Variants in PLA2G4D observed in about 807,000 individuals in gnomAD.
The protein encoded by PLA2G4D is phospholipase A2 group IVD, also known as cytosolic phospholipase A2 delta.
Under a neutral mutation model 94.4 loss-of-function variants are expected in PLA2G4D, and 80 were observed. The observed-to-expected ratio is 0.85, with a 90% confidence interval of 0.71 to 1.02. PLA2G4D has a LOEUF of 1.02. Among genes scored for constraint, PLA2G4D ranks in the 50% least tolerant of loss-of-function variants. The probability of loss-of-function intolerance (pLI) is 0.00; values close to 1 mark genes in which losing one functional copy is unlikely to be tolerated. For missense variants in PLA2G4D, 1,050 were observed against 1,034.7 expected, an observed-to-expected ratio of 1.01 and a Z score of -0.20; for synonymous variants, 438 against 440.9, an observed-to-expected ratio of 0.99 and a Z score of 0.08.
rs778353977 is a variant in PLA2G4D, at chr15:42,081,552, C to A, written c.884G>T (p.Ser295Ile). ...NLCAEEQAFL[S>I]RRKQVVAKAL... Reference sequence around the variant, plus strand: ...CTTGGCCACCACCTGCTTCCTCCTGCTCAGGAAGGCCTGCTCCTCTGCACA... The same window carrying A: ...CTTGGCCACCACCTGCTTCCTCCTGATCAGGAAGGCCTGCTCCTCTGCACA... Residue 295 changes from serine (S) to isoleucine (I), a missense_variant, in exon 11 of 20, where the codon AGC becomes ATC. Physicochemically the swap from Ser to Ile is moderately radical, Grantham distance 142 (BLOSUM62 -2). Transcript: ENST00000290472. 6.2e-7 allele frequency: 1 copy of A among 1,614,238 alleles called. No homozygotes were observed. Among genetic ancestry groups the A allele is most frequent in the East Asian group, 2.2e-5 (1 of 44,890 alleles).
intron 8 of PLA2G4D, among the ~76,000 whole-genome samples, chr15:42,082,782 G>A (rs1890063493): frequency 6.6e-6 from 1 of 152,180 alleles, no homozygotes; most frequent in South Asian, 2.1e-4. Context: ...GGAGGAGGCA[G>A]CCTTGGAGGA....
rs1889717989 is a variant in PLA2G4D, at chr15:42,067,994, A to T, written c.*721T>A. On this transcript the variant is annotated 3_prime_UTR_variant, in exon 20 of 20. Transcript: ENST00000290472. ...AAGGCATTCAGATCAGACAGGAAGAAGTAAAACCATCTCTATTTGGAGATG... is the reference window on the plus strand; with the variant it reads ...AAGGCATTCAGATCAGACAGGAAGATGTAAAACCATCTCTATTTGGAGATG... The T allele has an allele frequency of 6.6e-6, 1 of 152,258 alleles. No homozygotes were observed. The highest frequency in any genetic ancestry group is 6.5e-5 in the Admixed American group (1 of 15,286). 9.4% of individuals were successfully genotyped at this position (152,258 alleles called of 1,614,324 possible). A position where few individuals can be genotyped will look rare whatever the true frequency, so the allele number is the denominator to read the frequency against.
intron 3 of PLA2G4D, among the ~76,000 whole-genome samples, chr15:42,086,843 ACT>A (rs541791021): frequency 3.6e-4 from 55 of 152,148 alleles, no homozygotes; most frequent in Admixed American, 1.6e-3. Context: ...TAAGAGCAAG[ACT>A]CTGTCTCAAA....
rs746619074 is a variant in PLA2G4D at position 42,072,349 on chromosome 15, C to G, written c.1361G>C (p.Arg454Pro). 1 of 1,613,542 alleles carries G rather than the reference C, an allele frequency of 6.2e-7. No homozygotes were observed. The highest frequency in any genetic ancestry group is 1.7e-5 in the Admixed American group (1 of 60,014). ...KLSGQRAALE[R>P]GQNPLPLYLS... ...GTAGAGGGGCAGAGGGTTCTGACCC[C>G]GTTCCAGGGCGGCTCTCTGTCCTGA... The change falls in exon 14 of 20, where the codon CGG becomes CCG. Residue 454 changes from arginine (R) to proline (P), a missense_variant. By Grantham distance (103) the Arg-to-Pro change is moderately radical (BLOSUM62 -2). Coordinates refer to ENST00000290472, the MANE Select transcript of PLA2G4D (RefSeq NM_178034.4).
At chr15:42,079,281 A>G (rs1889985951) in intron 13 of PLA2G4D, among the ~76,000 whole-genome samples, 1 of 152,268 alleles carries the variant, frequency 6.6e-6, no homozygotes, top group Non-Finnish European at 1.5e-5. Flanking sequence ...CATTCAAAAC[A>G]AAAGCTTTGT....
rs760967904 is a variant in PLA2G4D at position 42,071,250 on chromosome 15, C to A, written c.1749G>T (p.Thr583=). 6.2e-7 allele frequency: 1 copy of A among 1,609,570 alleles called. No homozygotes were observed. Among genetic ancestry groups the A allele is most frequent in the Non-Finnish European group, 8.5e-7 (1 of 1,178,748 alleles). The change falls in exon 17 of 20, where the codon ACG becomes ACT. Residue 583 remains threonine (T), a synonymous_variant. Coordinates refer to ENST00000290472, the MANE Select transcript of PLA2G4D (RefSeq NM_178034.4). The part of the protein sequence containing the change: ...RLEASWLQPG[T]ALAQAFKGFL... ...AGCCTTTAAATGCCTGGGCCAGCGCCGTGCCTGGCTGCAGCCACGAGGCCT... is the reference window on the plus strand; with the variant it reads ...AGCCTTTAAATGCCTGGGCCAGCGCAGTGCCTGGCTGCAGCCACGAGGCCT...
rs1237340293 is a variant in PLA2G4D at position 42,084,384 on chromosome 15, C to T, written c.472-605G>A. 8.5e-5 allele frequency among the ~76,000 whole-genome samples: 13 copies of T among 152,156 alleles called. No homozygotes were observed. Among genetic ancestry groups the T allele is most frequent in the Admixed American group, 7.2e-4 (11 of 15,284 alleles). On this transcript the variant is annotated intron_variant, in intron 6 of 19. Transcript: ENST00000290472. This position sits in a 1 kb window ranked among gnomAD's most constrained non-coding sequence, Gnocchi z 4.8. ...ATCACCTCCTAAGAGGCAGTGCCAT[C>T]GGCTTGACTTTATTTTCATGTGTAT... is the stretch of plus-strand genomic sequence containing the variant.
chr15:42,083,838 C>T, intron 6 of PLA2G4D, 59 bp from the exon 7 acceptor site: 1 of 1,558,738 alleles, frequency 6.4e-7, no homozygotes, highest in Non-Finnish European at 8.8e-7. Context: ...GTCCCCTTAA[C>T]CTCAACCCTC....
chr15:42,073,570 G>T (rs1889867068), intron 13 of PLA2G4D, among the ~76,000 whole-genome samples: 1 of 152,144 alleles, frequency 6.6e-6, no homozygotes, highest in African/African-American at 2.4e-5. Context: ...CCTTCCTTTG[G>T]GCTCTCCAAG....
At chr15:42,075,038 A>G (rs1889890751) in intron 13 of PLA2G4D, among the ~76,000 whole-genome samples, 1 of 152,124 alleles carries the variant, frequency 6.6e-6, no homozygotes, top group African/African-American at 2.4e-5. Context: ...ATCCTCCCAC[A>G]TTAGCCTCCT....
At chr15:42,072,424 G>A (rs1889845241) in intron 13 of PLA2G4D, 32 bp from the exon 14 acceptor site, 1 of 1,569,572 alleles carries the variant, frequency 6.4e-7, no homozygotes. Context: ...GCCTAAGTGA[G>A]GCTGGGAGTA....
chr15:42,070,718 T>C lies in PLA2G4D; in HGVS notation c.2042A>G (p.Glu681Gly), dbSNP rs914463525. Residue 681 changes from glutamate (E) to glycine (G), a missense_variant and splice_region_variant, in exon 18 of 20, where the codon GAG (glutamate) becomes GGG (glycine). Transcript: ENST00000290472. ...SFDYSLSAPFEALQQTELYCR... is the reference protein window; with the variant it reads ...SFDYSLSAPFGALQQTELYCR... ...GTTCCCCTGGGGTGACCAGGGTACC[T>C]CGAAGGGCGCAGATAGGGAGTAGTC... 6.4e-7 allele frequency: 1 copy of C among 1,553,840 alleles called. No homozygotes were observed. Among genetic ancestry groups the C allele is most frequent in the African/African-American group, 1.4e-5 (1 of 73,262 alleles).
intron 11 of PLA2G4D, 65 bp downstream of exon 11, chr15:42,081,414 G>T: frequency 6.4e-7 from 1 of 1,567,178 alleles, no homozygotes; most frequent in Non-Finnish European, 8.6e-7. Context: ...AGAGGCATAG[G>T]AATCAGGTAC....
At position 42,081,084 on chromosome 15, in the gene PLA2G4D, G is replaced by A; in HGVS notation, c.1007C>T (p.Thr336Ile). ...GGCCAATAGGTGGCCGTAGAGTGAG[G>A]TCATGGCCCGGGCACCTCCTCCTGT... The part of the protein sequence containing the change: ...MATGGGARAM[T>I]SLYGHLLALQ... The change falls in exon 12 of 20, where the codon ACC (threonine) becomes ATC (isoleucine). Residue 336 changes from threonine to isoleucine, a missense_variant. Transcript: ENST00000290472. 6.2e-7 allele frequency: 1 copy of A among 1,614,216 alleles called. No homozygotes were observed.
chr15:42,084,476 C>T lies in PLA2G4D; in HGVS notation c.471+620G>A, dbSNP rs546061014. 1.9e-4 allele frequency among the ~76,000 whole-genome samples: 29 copies of T among 152,344 alleles called. No individual in the cohort carries two copies. The highest frequency in any genetic ancestry group is 1.3e-3 in the Admixed American group (20 of 15,308). On this transcript the variant is annotated intron_variant, in intron 6 of 19. Coordinates refer to ENST00000290472, the MANE Select transcript of PLA2G4D (RefSeq NM_178034.4). The surrounding 1 kb of genome is among the most constrained non-coding windows in gnomAD (Gnocchi z 4.8). The stretch of plus-strand genomic sequence containing the variant: ...TTAAATGCTGGGCTCTAGGTGCCTT[C>T]GCCCGTGACCCTGGACCCGCCTGCT...
In PLA2G4D at chr15:42,068,066, G is replaced by A. The variant is rs1249299298; in HGVS notation, c.*649C>T. ...TTCTAAGAAATCCGCAAAAGTATTA[G>A]AGCCGGTAAACAACTTCAGCAAGAT... On this transcript the variant is annotated 3_prime_UTR_variant, in exon 20 of 20. Coordinates refer to ENST00000290472, the MANE Select transcript of PLA2G4D (RefSeq NM_178034.4). 1 of 152,286 alleles carries A rather than the reference G, an allele frequency of 6.6e-6. No homozygotes were observed. The highest frequency in any genetic ancestry group is 2.4e-5 in the African/African-American group (1 of 41,438). 9.4% of individuals were successfully genotyped at this position (152,286 alleles called of 1,614,324 possible). A position where few individuals can be genotyped will look rare whatever the true frequency, so the allele number is the denominator to read the frequency against.
In PLA2G4D at chr15:42,070,249, C is replaced by T. The variant is rs1889777483; in HGVS notation, c.2044-154G>A. On this transcript the variant is annotated intron_variant, in intron 18 of 19. Coordinates refer to ENST00000290472, the MANE Select transcript of PLA2G4D (RefSeq NM_178034.4). ...AGCTGCAGAGTGACTCGGAGGGAGA[C>T]CCAGGGGGAGTCCAAGGACTCTGGT... 8.4e-6 allele frequency: 6 copies of T among 715,092 alleles called. No homozygotes were observed. The East Asian group carries it at 1.7e-4, about 20-fold the overall frequency. The allele number at this position is 715,092 out of a possible 1,614,324, so 44.3% of individuals were successfully genotyped here.
rs1220282415 is a variant in PLA2G4D at position 42,087,445 on chromosome 15, G to A, written c.119-9C>T. The A allele has an allele frequency of 1.2e-6, 2 of 1,613,976 alleles. No homozygotes were observed. The highest frequency in any genetic ancestry group is 2.2e-5 in the East Asian group (1 of 44,878). On this transcript the variant is annotated splice_polypyrimidine_tract_variant and intron_variant, in intron 2 of 19. Transcript: ENST00000290472. ...AGGGTCGGCCTCACTCACTGCCAAG[G>A]TTAAGGAAGTCTTCGTGAGGGAGTA...
chr15:42,084,111 G>T lies in PLA2G4D; in HGVS notation c.472-332C>A. 3.3e-6 allele frequency: 1 copy of T among 306,886 alleles called. No individual in the cohort carries two copies. The highest frequency in any genetic ancestry group is 6.2e-6 in the Non-Finnish European group (1 of 161,788). 19.0% of individuals were successfully genotyped at this position (306,886 alleles called of 1,614,324 possible). A position where few individuals can be genotyped will look rare whatever the true frequency, so the allele number is the denominator to read the frequency against. ...TCCCTGTGGCTTGGAGCTGGAGGAGGTATTCTACCACAACTCCAAATAATC... is the reference window on the plus strand; with the variant it reads ...TCCCTGTGGCTTGGAGCTGGAGGAGTTATTCTACCACAACTCCAAATAATC... On this transcript the variant is annotated intron_variant, in intron 6 of 19. Transcript: ENST00000290472. The surrounding 1 kb of genome is among the most constrained non-coding windows in gnomAD (Gnocchi z 4.8).
Sources: allele counts gnomAD v4.1 joint callset (sites outside exome capture counted in the v4.1 genomes callset), GRCh38; gene constraint gnomAD v4.1.1; non-coding constraint Gnocchi (gnomAD v3.1); transcripts MANE v1.5; gene names NCBI Gene and HGNC (gene_info 2026-07-23, HGNC 2026-07-21).